NIPBL: variants seen among roughly 807,000 people sequenced by gnomAD.
NIPBL encodes the protein NIPBL cohesin loading factor.
Under a neutral mutation model 321.8 loss-of-function variants are expected in NIPBL, and 19 were observed. That is an observed-to-expected ratio of 0.06 (90% CI 0.04 to 0.09). The LOEUF is 0.09. NIPBL is among the 10% of genes least tolerant of loss of function. The pLI is 1.00. For missense variants in NIPBL, 2,210 were observed against 3,327.0 expected, an observed-to-expected ratio of 0.66 and a Z score of 8.26; for synonymous variants, 1,106 against 1,114.1, an observed-to-expected ratio of 0.99 and a Z score of 0.14.
At position 37,024,724 on chromosome 5, in the gene NIPBL, T is replaced by G; in HGVS notation, c.5709+5T>G. 1 of 1,606,048 alleles carries G rather than the reference T, an allele frequency of 6.2e-7. No individual in the cohort carries two copies. The highest frequency in any genetic ancestry group is 1.1e-5 in the South Asian group (1 of 89,682). ...AATGATGAAGAGGGCATTAAGGTAG[T>G]GTTGACTGTTTTAAATTTATTTTTC... is the stretch of plus-strand genomic sequence containing the variant. On this transcript the variant is annotated splice_donor_5th_base_variant and intron_variant, in intron 30 of 46. Coordinates refer to ENST00000282516, the MANE Select transcript of NIPBL (RefSeq NM_133433.4).
chr5:36,956,362 G>A (rs867440633), intron 3 of NIPBL, among the ~76,000 whole-genome samples: 1 of 152,028 alleles, frequency 6.6e-6, no homozygotes, highest in Middle Eastern at 3.4e-3. Flanking sequence ...ATGTAACCTC[G>A]CATTCTTTAT....
At chr5:36,972,131 T>TA in intron 8 of NIPBL, 90 bp downstream of exon 8, 1 of 856,074 alleles carries the variant, frequency 1.2e-6, no homozygotes, top group Non-Finnish European at 1.9e-6. Context: ...ATTAAAAAGT[T>TA]ATTCTGTATT....
At chr5:36,939,368 A>G (rs1416775328) in intron 1 of NIPBL, among the ~76,000 whole-genome samples, 1 of 152,160 alleles carries the variant, frequency 6.6e-6, no homozygotes, top group Non-Finnish European at 1.5e-5. Context: ...TATTATTTCA[A>G]GAATGTTACA....
intron 32 of NIPBL, among the ~76,000 whole-genome samples, chr5:37,035,245 T>A (rs1394649853): frequency 3.3e-5 from 5 of 152,238 alleles, no homozygotes; most frequent in Non-Finnish European, 7.3e-5. Flanking sequence ...CACTCCAGCC[T>A]GAGTGACAAT....
At chr5:37,037,684 G>A (rs1031387793) in intron 33 of NIPBL, among the ~76,000 whole-genome samples, 3 of 128,298 alleles carry the variant, frequency 2.3e-5, no homozygotes, top group Non-Finnish European at 3.3e-5. Flanking sequence ...TCCTTGTTCC[G>A]TTTTTTTATT....
chr5:37,059,910 G>A lies in NIPBL; in HGVS notation c.7685+745G>A, dbSNP rs566479611. On this transcript the variant is annotated intron_variant, in intron 44 of 46. Transcript: ENST00000282516. Reference sequence around the variant, plus strand: ...CACCCTGTAGTTTTACCCACCAGTAGTCATTAAAGATACCTCTTTTCTGCC... The same window carrying A: ...CACCCTGTAGTTTTACCCACCAGTAATCATTAAAGATACCTCTTTTCTGCC... 3.3e-5 allele frequency among the ~76,000 whole-genome samples: 5 copies of A among 152,290 alleles called. 1 individual carries two copies. The South Asian group carries it at 1.0e-3, about 32-fold the overall frequency.
At chr5:37,002,622 AC>A in intron 14 of NIPBL, 39 bp from the exon 15 acceptor site, 1 of 1,300,046 alleles carries the variant, frequency 7.7e-7, no homozygotes, top group Non-Finnish European at 1.1e-6. Flanking sequence ...TATTTTATTT[AC>A]CTAAACTTTG....
intron 24 of NIPBL, among the ~76,000 whole-genome samples, chr5:37,018,818 A>G (rs1749289916): frequency 6.6e-6 from 1 of 152,168 alleles, no homozygotes; most frequent in Non-Finnish European, 1.5e-5. Context: ...AAAAAATGAC[A>G]TATGGTTCAT....
At chr5:36,992,269 T>G (rs1391449268) in intron 10 of NIPBL, among the ~76,000 whole-genome samples, 1 of 152,200 alleles carries the variant, frequency 6.6e-6, no homozygotes, top group Non-Finnish European at 1.5e-5. Flanking sequence ...AGGTGAGAGA[T>G]AATCATAAAG....
chr5:36,971,296 A>G (rs902509460), intron 7 of NIPBL, among the ~76,000 whole-genome samples: 1 of 151,770 alleles, frequency 6.6e-6, no homozygotes, highest in African/African-American at 2.4e-5. Context: ...TAGAGACTGT[A>G]TGTGGCCCAC....
intron 24 of NIPBL, 104 bp downstream of exon 24, chr5:37,017,266 A>G (rs1268460839): frequency 8.6e-7 from 1 of 1,163,520 alleles, no homozygotes; most frequent in Admixed American, 2.3e-5. Context: ...TCAAAATAAG[A>G]TTTTTACTTC....
chr5:36,887,048 A>T (rs1745964282), intron 1 of NIPBL, among the ~76,000 whole-genome samples: 1 of 152,174 alleles, frequency 6.6e-6, no homozygotes, highest in Non-Finnish European at 1.5e-5. Context: ...AGATTTTGGC[A>T]GCTGCCTTAT....
At chr5:37,034,690 A>C (rs984576598) in intron 32 of NIPBL, among the ~76,000 whole-genome samples, 10 of 152,202 alleles carry the variant, frequency 6.6e-5, no homozygotes, top group African/African-American at 2.4e-4. Flanking sequence ...TACAGCTTAT[A>C]CTTTTTTTAA....
chr5:36,926,187 A>G (rs775323254), intron 1 of NIPBL, among the ~76,000 whole-genome samples: 48 of 152,356 alleles, frequency 3.2e-4, no homozygotes, highest in Middle Eastern at 3.4e-3. Context: ...TTTAAAAACA[A>G]AACAAAAAAA....
At chr5:36,893,642 T>C (rs1580163197) in intron 1 of NIPBL, among the ~76,000 whole-genome samples, 1 of 152,178 alleles carries the variant, frequency 6.6e-6, no homozygotes, top group South Asian at 2.1e-4. Flanking sequence ...ATATGGACTT[T>C]TTTTGAGTCT....
intron 25 of NIPBL, 128 bp downstream of exon 25, chr5:37,019,528 G>A (rs1242320699): frequency 1.4e-6 from 1 of 703,676 alleles, no homozygotes; most frequent in Admixed American, 2.1e-5. Context: ...AAAACAAAGG[G>A]ATACTTGATA....
At chr5:36,995,578 C>T in intron 10 of NIPBL, 44 bp from the exon 11 acceptor site, 1 of 1,452,698 alleles carries the variant, frequency 6.9e-7, no homozygotes, top group Non-Finnish European at 9.6e-7. Context: ...TTCCTTTTAT[C>T]TTCAGATTTA....
intron 21 of NIPBL, among the ~76,000 whole-genome samples, chr5:37,011,365 G>A (rs951308495): frequency 2.0e-5 from 3 of 152,216 alleles, no homozygotes; most frequent in South Asian, 4.2e-4. Flanking sequence ...AGACCAGTTG[G>A]GCAACATGAC....
intron 32 of NIPBL, among the ~76,000 whole-genome samples, chr5:37,028,672 T>C (rs1750603414): frequency 6.6e-6 from 1 of 152,178 alleles, no homozygotes; most frequent in Admixed American, 6.5e-5. Context: ...CCAAACTTTA[T>C]ATTATCTCAT....
Sources: allele counts gnomAD v4.1 joint callset (sites outside exome capture counted in the v4.1 genomes callset), GRCh38; gene constraint gnomAD v4.1.1; transcripts MANE v1.5; gene names NCBI Gene and HGNC (gene_info 2026-07-23, HGNC 2026-07-21).